Variants in PDE4B observed in about 807,000 individuals in gnomAD.
PDE4B encodes the protein 3',5'-cyclic-AMP phosphodiesterase 4B.
A neutral mutation model predicts 82.2 loss-of-function variants in PDE4B; 20 were observed. That is an observed-to-expected ratio of 0.24 (90% CI 0.17 to 0.35). The LOEUF is 0.35. Ranked by LOEUF, PDE4B falls within the 10% of genes least tolerant of loss-of-function variation. PDE4B has a pLI of 1.00. For synonymous variants in PDE4B, 320 were observed against 318.9 expected (o/e 1.00, Z -0.04); for missense variants, 655 against 907.2 (o/e 0.72, Z 3.57).
At position 66,374,567 on chromosome 1, in the gene PDE4B, C is replaced by T. The variant is rs914800551; in HGVS notation, c.*1889C>T. On this transcript the variant is annotated 3_prime_UTR_variant, in exon 17 of 17. Coordinates refer to ENST00000341517, the MANE Select transcript of PDE4B (RefSeq NM_002600.4). Reference sequence around the variant, plus strand: ...TTTATATGAGGTGAATAAAGAAAAGCATGATTAGATTAGTCTGTAGGCCCA... The same window carrying T: ...TTTATATGAGGTGAATAAAGAAAAGTATGATTAGATTAGTCTGTAGGCCCA... 4 of 152,600 alleles carry T rather than the reference C, an allele frequency of 2.6e-5. No homozygotes were observed. The highest frequency in any genetic ancestry group is 6.5e-5 in the Admixed American group (1 of 15,274). 9.5% of individuals were successfully genotyped at this position (152,600 alleles called of 1,614,324 possible).
chr1:66,210,613 A>AG (rs1450944543), intron 3 of PDE4B, among the ~76,000 whole-genome samples: 2 of 150,560 alleles, frequency 1.3e-5, no homozygotes, highest in African/African-American at 4.9e-5. Flanking sequence ...AAAAAAAAAA[A>AG]AAAAAAGAAA....
chr1:66,095,840 C>A (rs573544626), intron 3 of PDE4B, among the ~76,000 whole-genome samples: 1 of 152,028 alleles, frequency 6.6e-6, no homozygotes, highest in East Asian at 1.9e-4. Context: ...TGTTAACCCA[C>A]AAATCAACTA....
chr1:66,156,951 A>G (rs1577844), intron 3 of PDE4B, among the ~76,000 whole-genome samples: 37,880 of 152,092 alleles, frequency 0.25, 5,176 homozygotes, highest in Non-Finnish European at 0.31. Context: ...CTAGTTTTCA[A>G]CATGATTTGA....
At chr1:66,309,376 TTTC>T (rs1183031458) in intron 7 of PDE4B, among the ~76,000 whole-genome samples, 1 of 152,202 alleles carries the variant, frequency 6.6e-6, no homozygotes, top group Admixed American at 6.6e-5. Flanking sequence ...TGAGACTCAG[TTTC>T]TTCTTCTATA....
intron 6 of PDE4B, among the ~76,000 whole-genome samples, chr1:66,262,400 T>C (rs1654748639): frequency 6.6e-6 from 1 of 152,210 alleles, no homozygotes; most frequent in Admixed American, 6.5e-5. Flanking sequence ...GGCTATACAG[T>C]GGGAAGGTGC....
In PDE4B at chr1:65,888,523, G is replaced by T. The variant is rs187526021; in HGVS notation, c.-70-24722G>T. 9.2e-5 allele frequency among the ~76,000 whole-genome samples: 14 copies of T among 152,158 alleles called. 1 individual carries two copies. The highest frequency in any genetic ancestry group is 3.4e-4 in the African/African-American group (14 of 41,552). ...TTTTGATTGGAATTATATTGAATCTGCAAATTGCTTTGGACAGTATGGTTA... is the reference window on the plus strand; with the variant it reads ...TTTTGATTGGAATTATATTGAATCTTCAAATTGCTTTGGACAGTATGGTTA... On this transcript the variant is annotated intron_variant, in intron 1 of 16. Transcript: ENST00000341517.
chr1:66,214,337 C>G (rs1000542903), intron 3 of PDE4B, among the ~76,000 whole-genome samples: 7 of 151,996 alleles, frequency 4.6e-5, no homozygotes, highest in Middle Eastern at 3.4e-3. Context: ...TCCCTTCTGG[C>G]TTTTTTTTCC....
intron 3 of PDE4B, among the ~76,000 whole-genome samples, chr1:66,186,988 A>G (rs562340411): frequency 2.6e-5 from 4 of 152,244 alleles, no homozygotes; most frequent in African/African-American, 9.6e-5. Flanking sequence ...GATGGCTCTT[A>G]TTATTTTGAG....
At chr1:66,136,691 C>A (rs1163841369) in intron 3 of PDE4B, among the ~76,000 whole-genome samples, 1 of 118,606 alleles carries the variant, frequency 8.4e-6, no homozygotes, top group African/African-American at 3.2e-5. Context: ...GAGCAAGACT[C>A]CCTCTCAAAA....
At chr1:66,160,266 T>A (rs941822454) in intron 3 of PDE4B, among the ~76,000 whole-genome samples, 1 of 152,248 alleles carries the variant, frequency 6.6e-6, no homozygotes, top group African/African-American at 2.4e-5. Context: ...GAATCCTTTC[T>A]GTCTTCTTTG....
chr1:66,068,831 A>AATTGAT (rs1656003934), intron 3 of PDE4B, among the ~76,000 whole-genome samples: 1 of 151,962 alleles, frequency 6.6e-6, no homozygotes, highest in Non-Finnish European at 1.5e-5. Context: ...CCTTAATTGT[A>AATTGAT]CAACTACAAA....
At chr1:65,994,226 T>A (rs924491895) in intron 3 of PDE4B, among the ~76,000 whole-genome samples, 1 of 152,218 alleles carries the variant, frequency 6.6e-6, no homozygotes, top group African/African-American at 2.4e-5. Context: ...CTAAAATGTT[T>A]GTCTGCTTAA....
At chr1:65,969,703 G>A (rs1319752218) in intron 3 of PDE4B, among the ~76,000 whole-genome samples, 2 of 151,962 alleles carry the variant, frequency 1.3e-5, no homozygotes, top group Admixed American at 6.6e-5. Context: ...TTTGCCCATG[G>A]ATATTAATGA....
chr1:65,835,723 C>T (rs1486413208), intron 1 of PDE4B, among the ~76,000 whole-genome samples: 6 of 152,120 alleles, frequency 3.9e-5, no homozygotes, highest in African/African-American at 1.4e-4. Flanking sequence ...GCACTACAGG[C>T]AGTTTCCAAG....
intron 3 of PDE4B, among the ~76,000 whole-genome samples, chr1:66,134,578 T>C (rs2101122496): frequency 6.6e-6 from 1 of 152,304 alleles, no homozygotes; most frequent in East Asian, 1.9e-4. Flanking sequence ...GAAGCATAGG[T>C]ACACGTTCCT....
chr1:66,347,914 C>T (rs11804778), intron 8 of PDE4B, among the ~76,000 whole-genome samples: 28 of 152,208 alleles, frequency 1.8e-4, no homozygotes, highest in African/African-American at 6.5e-4. Flanking sequence ...ATGACCAATA[C>T]GTAAGGGTTA....
At chr1:65,993,140 A>G (rs768253556) in intron 3 of PDE4B, 79 of 1,610,352 alleles carry the variant, frequency 4.9e-5, no homozygotes, top group Non-Finnish European at 6.5e-5. Context: ...TGGCTCATAC[A>G]TGGTAAGATA....
chr1:66,277,093 A>G (rs1166828051), intron 7 of PDE4B, among the ~76,000 whole-genome samples: 1 of 152,196 alleles, frequency 6.6e-6, no homozygotes, highest in Non-Finnish European at 1.5e-5. Flanking sequence ...AACTCTATAA[A>G]TAAATGACTT....
Position 65,804,808 on chromosome 1 carries a change from A to G in PDE4B, c.-71+11560A>G, listed in dbSNP as rs962898658. On this transcript the variant is annotated intron_variant, in intron 1 of 16. Coordinates refer to ENST00000341517, the MANE Select transcript of PDE4B (RefSeq NM_002600.4). Reference sequence around the variant, plus strand: ...GCTCTCTGACCTGCTGTTTCAGGTGAGTCATGTCGTGGCTGCTCTGCTTCT... The same window carrying G: ...GCTCTCTGACCTGCTGTTTCAGGTGGGTCATGTCGTGGCTGCTCTGCTTCT... Among the ~76,000 whole-genome samples the G allele has an allele frequency of 1.3e-4, 20 of 152,152 alleles. 1 individual carries two copies. Among genetic ancestry groups the G allele is most frequent in the Admixed American group, 1.3e-3 (20 of 15,282 alleles).
Sources: allele counts gnomAD v4.1 joint callset (sites outside exome capture counted in the v4.1 genomes callset), GRCh38; gene constraint gnomAD v4.1.1; transcripts MANE v1.5; gene names NCBI Gene and HGNC (gene_info 2026-07-23, HGNC 2026-07-21).